The following ELOVL2 variants were observed in gnomAD, a reference collection of about 807,000 sequenced individuals.
ELOVL2 encodes ELOVL fatty acid elongase 2.
Under a neutral mutation model 37.7 loss-of-function variants are expected in ELOVL2, and 38 were observed. The observed-to-expected ratio is 1.01, with a 90% CI of 0.78 to 1.32. ELOVL2 has a LOEUF of 1.32. Among genes scored for constraint, ELOVL2 ranks in the 40% most tolerant of loss-of-function variants. The pLI, the probability that ELOVL2 is intolerant of heterozygous loss-of-function variation, is 0.00. For synonymous variants in ELOVL2, 115 were observed against 122.3 expected, an observed-to-expected ratio of 0.94 and a Z score of 0.40; for missense variants, 352 against 363.6, an observed-to-expected ratio of 0.97 and a Z score of 0.26.
Position 10,989,815 on chromosome 6 carries a change from G to C in ELOVL2, c.653C>G (p.Thr218Arg), listed in dbSNP as rs554486961. The C allele has an allele frequency of 1.9e-6, 3 of 1,614,184 alleles. No homozygotes were observed. The African/African-American group carries it at 4.0e-5, about 22-fold the overall frequency. ...TTTCACGACGGCGCTCATGGTGTGC[G>C]TGATGGTGAGCACGAACTGCACCTG... ...AQLVQFVLTITHTMSAVVKPC... is the reference protein window; with the variant it reads ...AQLVQFVLTIRHTMSAVVKPC... The change falls in exon 7 of 8, where the codon ACG (threonine) becomes AGG (arginine). Residue 218 changes from threonine to arginine, a missense_variant. Coordinates refer to ENST00000354666, the MANE Select transcript of ELOVL2 (RefSeq NM_017770.4).
chr6:10,987,473 C>G (rs1782072372), intron 7 of ELOVL2, among the ~76,000 whole-genome samples: 1 of 152,144 alleles, frequency 6.6e-6, no homozygotes. Context: ...CCTGCTTTCT[C>G]TTGTGGGCAT....
In ELOVL2 at chr6:11,039,278, T is replaced by C. The variant is rs116500362; in HGVS notation, c.3+4950A>G. Among the ~76,000 whole-genome samples, 849 of 152,368 alleles carry C rather than the reference T, an allele frequency of 5.6e-3. 10 individuals are homozygous for C. Among genetic ancestry groups the C allele is most frequent in the African/African-American group, 0.019 (795 of 41,592 alleles). ...AGCTAGGGCTAGAACCCAGGTTTCT[T>C]GACTCTTGGTCCAGTGCCTTTCGTT... On this transcript the variant is annotated intron_variant, in intron 1 of 7. Transcript: ENST00000354666.
chr6:11,044,178 G>C lies in ELOVL2; in HGVS notation c.3+50C>G, dbSNP rs761969783. ...TTTCCCGCCCGGTGCGTGGGTCCAG[G>C]AGAGAAAGAAAGCGCGGCGGTGTCG... On this transcript the variant is annotated intron_variant, in intron 1 of 7. Coordinates refer to ENST00000354666, the MANE Select transcript of ELOVL2 (RefSeq NM_017770.4). The surrounding 1 kb of genome is among the most constrained non-coding windows in gnomAD (Gnocchi z 5.6). 1 of 1,456,746 alleles carries C rather than the reference G, an allele frequency of 6.9e-7. No individual in the cohort carries two copies. The highest frequency in any genetic ancestry group is 9.1e-7 in the Non-Finnish European group (1 of 1,102,764). 90.2% of individuals were successfully genotyped at this position (1,456,746 alleles called of 1,614,324 possible). A position where few individuals can be genotyped will look rare whatever the true frequency, so the allele number is the denominator to read the frequency against.
chr6:11,018,950 C>G (rs923256284), intron 1 of ELOVL2, among the ~76,000 whole-genome samples: 4 of 152,134 alleles, frequency 2.6e-5, no homozygotes, highest in Non-Finnish European at 5.9e-5. Flanking sequence ...AATAAAATCT[C>G]TGGGCTACTT....
chr6:11,022,633 C>T (rs1239335818), intron 1 of ELOVL2, among the ~76,000 whole-genome samples: 1 of 152,204 alleles, frequency 6.6e-6, no homozygotes, highest in Non-Finnish European at 1.5e-5. Flanking sequence ...CTGTGTATCA[C>T]TGGTGCACAG....
Position 11,005,409 on chromosome 6 carries a change from A to T in ELOVL2, c.218T>A (p.Leu73His). ...SLRGILTLYN[L>H]GITLLSAYML... is the part of the protein sequence containing the mutation. ...GTACGCGGAGAGAAGTGTGATTCCAAGATTATACAAGGTGAGGATACCCCT... is the reference window on the plus strand; with the variant it reads ...GTACGCGGAGAGAAGTGTGATTCCATGATTATACAAGGTGAGGATACCCCT... The change falls in exon 3 of 8, where the codon CTT becomes CAT. Residue 73 changes from leucine (L) to histidine (H), a missense_variant. Coordinates refer to ENST00000354666, the MANE Select transcript of ELOVL2 (RefSeq NM_017770.4). The T allele has an allele frequency of 6.2e-7, 1 of 1,614,008 alleles. No homozygotes were observed. The highest frequency in any genetic ancestry group is 8.5e-7 in the Non-Finnish European group (1 of 1,179,988).
intron 7 of ELOVL2, among the ~76,000 whole-genome samples, chr6:10,985,413 GT>G (rs1782031501): frequency 7.1e-6 from 1 of 140,950 alleles, no homozygotes; most frequent in Non-Finnish European, 1.5e-5. Context: ...TGCTTTTGGT[GT>G]TTTGGACATG....
chr6:10,995,179 C>T lies in ELOVL2; in HGVS notation c.334-1G>A, dbSNP rs1431488545. 3.8e-6 allele frequency: 6 copies of T among 1,596,428 alleles called. No individual in the cohort carries two copies. The East Asian group carries it at 1.4e-4, about 36-fold the overall frequency. On this transcript the variant is annotated splice_acceptor_variant, in intron 4 of 7. Coordinates refer to ENST00000354666, the MANE Select transcript of ELOVL2 (RefSeq NM_017770.4). LOFTEE classifies it high-confidence loss of function. ...AGTACCACCAAAGCACCTTGGCTAC[C>T]TATAGAAATTTGTAAAGGGGAGAAA...
intron 2 of ELOVL2, among the ~76,000 whole-genome samples, chr6:11,009,472 C>T (rs986454668): frequency 1.3e-5 from 2 of 152,092 alleles, no homozygotes; most frequent in African/African-American, 2.4e-5. Context: ...CTGCAGAAAG[C>T]GAAACTGCTG....
intron 5 of ELOVL2, among the ~76,000 whole-genome samples, chr6:10,994,711 C>T (rs1304099429): frequency 6.6e-6 from 1 of 152,148 alleles, no homozygotes; most frequent in East Asian, 1.9e-4. Flanking sequence ...AAAACAGCGC[C>T]CGGGATTGGA....
chr6:11,030,414 A>G (rs1307004274), intron 1 of ELOVL2, among the ~76,000 whole-genome samples: 1 of 152,206 alleles, frequency 6.6e-6, no homozygotes, highest in Non-Finnish European at 1.5e-5. Context: ...AAGGTATGAA[A>G]AAGTACAGAA....
At chr6:11,031,041 GCA>G (rs1206197939) in intron 1 of ELOVL2, among the ~76,000 whole-genome samples, 1 of 152,126 alleles carries the variant, frequency 6.6e-6, no homozygotes, top group African/African-American at 2.4e-5. Context: ...CTATAACGTA[GCA>G]CACTTATCTT....
At chr6:10,999,529 CCAT>C (rs1362102224) in intron 4 of ELOVL2, among the ~76,000 whole-genome samples, 3 of 152,014 alleles carry the variant, frequency 2.0e-5, no homozygotes, top group Non-Finnish European at 4.4e-5. Context: ...GTGCCCACCA[CCAT>C]GCCTGGCTAA....
intron 1 of ELOVL2, among the ~76,000 whole-genome samples, chr6:11,039,430 TTC>T (rs1033699697): frequency 1.3e-5 from 2 of 152,210 alleles, no homozygotes; most frequent in African/African-American, 2.4e-5. Flanking sequence ...TCCATGATAT[TTC>T]TCTGTTACTA....
At chr6:11,043,952 G>A (rs1783161411) in intron 1 of ELOVL2, 3 of 304,206 alleles carry the variant, frequency 9.9e-6, no homozygotes, top group African/African-American at 6.6e-5. Context: ...GGCGCGAGCG[G>A]GCGCCTCGAG....
intron 7 of ELOVL2, among the ~76,000 whole-genome samples, chr6:10,986,093 T>G (rs1782047059): frequency 6.6e-6 from 1 of 152,218 alleles, no homozygotes; most frequent in Non-Finnish European, 1.5e-5. Context: ...CCTAGGTATC[T>G]TATTCTCTTT....
rs558633380 is a variant in ELOVL2, at chr6:10,990,300, AAAG to A, written c.630+15_630+17del. On this transcript the variant is annotated intron_variant, in intron 6 of 7. Transcript: ENST00000354666. ...CCATAAGCCACATGGAGAAAAGCTA[AAAG>A]AAGGGACAACATACCAGCTGAGCCT... 6.9e-5 allele frequency: 111 copies of A among 1,606,726 alleles called. 1 individual carries two copies. In the African/African-American group the frequency reaches 1.2e-3, roughly 17 times the overall value.
rs893138550 is a variant in ELOVL2 at position 10,989,823 on chromosome 6, G to A, written c.645C>T (p.Leu215=). Residue 215 remains leucine (L), a synonymous_variant, in exon 7 of 8, where the codon CTC becomes CTT. Transcript: ENST00000354666. ...CGGCGCTCATGGTGTGCGTGATGGT[G>A]AGCACGAACTGCACCTGGGGACGGC... ...LTQAQLVQFV[L]TITHTMSAVV... The A allele has an allele frequency of 5.6e-6, 9 of 1,614,032 alleles. No homozygotes were observed. The highest frequency in any genetic ancestry group is 5.3e-5 in the African/African-American group (4 of 74,928).
chr6:11,032,005 A>G (rs1161176297), intron 1 of ELOVL2, among the ~76,000 whole-genome samples: 3 of 152,158 alleles, frequency 2.0e-5, no homozygotes, highest in African/African-American at 7.2e-5. Context: ...CTAGTTGTCT[A>G]TTCCAAACTT....
Sources: gnomAD v4.1 joint callset for allele counts (sites outside exome capture counted in the v4.1 genomes callset) on GRCh38, gnomAD v4.1.1 for gene constraint, Gnocchi (gnomAD v3.1) non-coding constraint, MANE v1.5 for transcripts, NCBI Gene and HGNC (gene_info 2026-07-23, HGNC 2026-07-21) for gene names.